CNST: variants seen among roughly 807,000 people sequenced by gnomAD.
CNST encodes consortin.
CNST carries 39 observed loss-of-function variants against 72.4 expected under a neutral mutation model. The ratio of observed to expected loss-of-function variants is 0.54; its 90% CI spans 0.42 to 0.70. CNST has a LOEUF of 0.70. CNST is among the 30% of genes least tolerant of loss of function. The pLI is 0.00. For missense variants in CNST, 871 were observed against 868.5 expected (o/e 1.00, Z -0.04); for synonymous variants, 332 against 320.1 (o/e 1.04, Z -0.40).
intron 1 of CNST, among the ~76,000 whole-genome samples, chr1:246,572,161 G>A (rs1244530360): frequency 6.6e-6 from 1 of 152,184 alleles, no homozygotes; most frequent in East Asian, 1.9e-4. Flanking sequence ...AAGCACAGGA[G>A]GTCAAGGCTG....
chr1:246,577,205 G>C (rs976891497), intron 1 of CNST, among the ~76,000 whole-genome samples: 14 of 152,046 alleles, frequency 9.2e-5, no homozygotes, highest in African/African-American at 3.4e-4. Flanking sequence ...CTTCAGAACT[G>C]ATACTTCTCA....
chr1:246,583,324 G>A (rs781091785), intron 1 of CNST, among the ~76,000 whole-genome samples: 3 of 152,166 alleles, frequency 2.0e-5, no homozygotes, highest in Admixed American at 6.5e-5. Context: ...AAATATTCAC[G>A]CATTACACCT....
rs749613203 is a variant in CNST, at chr1:246,576,361, T to C, written c.-52+9698T>C. Among the ~76,000 whole-genome samples the C allele has an allele frequency of 7.7e-5, 11 of 142,724 alleles. 1 individual carries two copies. The highest frequency in any genetic ancestry group is 1.2e-4 in the Non-Finnish European group (8 of 65,590). The allele number at this position is 142,724 out of a possible 152,430, so 93.6% of individuals were successfully genotyped here. On this transcript the variant is annotated intron_variant, in intron 1 of 10. Coordinates refer to ENST00000366513, the MANE Select transcript of CNST (RefSeq NM_152609.3). The stretch of plus-strand genomic sequence containing the variant: ...CGTATTCCACTAGTGAACAAAACTT[T>C]AATTTTTACAGAGCAGCATCGTGTT...
chr1:246,666,099 C>A lies in CNST; in HGVS notation c.*194C>A. On this transcript the variant is annotated 3_prime_UTR_variant, in exon 11 of 11. Coordinates refer to ENST00000366513, the MANE Select transcript of CNST (RefSeq NM_152609.3). ...TCCACACAGTGAGGCAAATATCAAT[C>A]TAAGCATTGTGGATGGAAGGAATGG... 7.0e-6 allele frequency: 4 copies of A among 568,710 alleles called. No homozygotes were observed. The highest frequency in any genetic ancestry group is 4.5e-5 in the South Asian group (2 of 44,862). The allele number at this position is 568,710 out of a possible 1,614,324, so 35.2% of individuals were successfully genotyped here.
chr1:246,660,192 C>T lies in CNST; in HGVS notation c.1837-7C>T. On this transcript the variant is annotated splice_polypyrimidine_tract_variant and splice_region_variant and intron_variant, in intron 9 of 10. Coordinates refer to ENST00000366513, the MANE Select transcript of CNST (RefSeq NM_152609.3). ...AAAGAATTATAGGTTCTTATAATTT[C>T]TGACAGGTTGTTCCTACTGAAGGAT... 1 of 1,599,608 alleles carries T rather than the reference C, an allele frequency of 6.3e-7. No homozygotes were observed. The highest frequency in any genetic ancestry group is 8.5e-7 in the Non-Finnish European group (1 of 1,174,826).
chr1:246,567,414 G>C (rs1659780223), intron 1 of CNST, among the ~76,000 whole-genome samples: 1 of 151,718 alleles, frequency 6.6e-6, no homozygotes, highest in African/African-American at 2.4e-5. Flanking sequence ...TGTTTTCCGT[G>C]TTTCAGGATC....
chr1:246,605,493 C>T (rs3007402), intron 2 of CNST, among the ~76,000 whole-genome samples: 4 of 149,360 alleles, frequency 2.7e-5, no homozygotes, highest in Non-Finnish European at 4.5e-5. Context: ...TGTTTTAATG[C>T]GCGCCTGGGT....
intron 2 of CNST, among the ~76,000 whole-genome samples, chr1:246,595,332 T>C (rs1432155689): frequency 6.6e-6 from 1 of 152,198 alleles, no homozygotes; most frequent in Non-Finnish European, 1.5e-5. Context: ...CTGTCGTCTC[T>C]CAGTACGTAT....
chr1:246,665,788 C>T lies in CNST; in HGVS notation c.2061C>T (p.Cys687=), dbSNP rs752417840. ...FLSVGGTALY[C]TFGDMESPVC... ...GTGTTGGAGGAACTGCATTATACTG[C>T]ACTTTCGGTGACATGGAGTCACCTG... The change falls in exon 11 of 11, where the codon TGC becomes TGT. Residue 687 remains cysteine (C), a synonymous_variant. Coordinates refer to ENST00000366513, the MANE Select transcript of CNST (RefSeq NM_152609.3). 2.5e-6 allele frequency: 4 copies of T among 1,613,954 alleles called. No homozygotes were observed. Among genetic ancestry groups the T allele is most frequent in the East Asian group, 2.2e-5 (1 of 44,876 alleles).
intron 1 of CNST, among the ~76,000 whole-genome samples, chr1:246,589,711 A>G (rs1278736698): frequency 2.0e-5 from 3 of 152,194 alleles, no homozygotes; most frequent in Non-Finnish European, 4.4e-5. Flanking sequence ...CAATGGTTGA[A>G]CTAGTTTACA....
chr1:246,636,733 G>A (rs1441730794), intron 6 of CNST, among the ~76,000 whole-genome samples: 1 of 152,220 alleles, frequency 6.6e-6, no homozygotes, highest in African/African-American at 2.4e-5. Flanking sequence ...ATGACTGCCA[G>A]ATACTCCTAG....
At chr1:246,632,338 G>T in intron 4 of CNST, 2 of 280,958 alleles carry the variant, frequency 7.1e-6, no homozygotes, top group Non-Finnish European at 7.0e-6. Context: ...GGACATTGCC[G>T]CCCCCGTGAT....
rs933721439 is a variant in CNST, at chr1:246,573,578, G to A, written c.-52+6915G>A. 1.3e-4 allele frequency among the ~76,000 whole-genome samples: 20 copies of A among 152,146 alleles called. 1 individual carries two copies. Among genetic ancestry groups the A allele is most frequent in the Non-Finnish European group, 2.8e-4 (19 of 68,034 alleles). ...CTTCCTGTCTCCACTGCATAGCTGGGGAAAACCTAGGGATTGCCCGGTGAA... is the reference window on the plus strand; with the variant it reads ...CTTCCTGTCTCCACTGCATAGCTGGAGAAAACCTAGGGATTGCCCGGTGAA... On this transcript the variant is annotated intron_variant, in intron 1 of 10. Transcript: ENST00000366513.
At chr1:246,655,088 A>G (rs1051421551) in intron 9 of CNST, among the ~76,000 whole-genome samples, 4 of 152,242 alleles carry the variant, frequency 2.6e-5, no homozygotes, top group Non-Finnish European at 5.9e-5. Flanking sequence ...ATGGGATCAT[A>G]TCTTGACATT....
chr1:246,646,851 T>C lies in CNST; in HGVS notation c.938-288T>C, dbSNP rs1666112816. On this transcript the variant is annotated intron_variant, in intron 8 of 10. Transcript: ENST00000366513. ...ATTTTAATGTAAAAGTTTAATAAAGTTCAGAATATCTTTTAAACCTTTGAA... is the reference window on the plus strand; with the variant it reads ...ATTTTAATGTAAAAGTTTAATAAAGCTCAGAATATCTTTTAAACCTTTGAA... Among the ~76,000 whole-genome samples the C allele has an allele frequency of 3.3e-5, 5 of 152,226 alleles. No individual in the cohort carries two copies. In the South Asian group the frequency reaches 1.0e-3, roughly 32 times the overall value.
At chr1:246,572,545 C>T (rs1660129750) in intron 1 of CNST, among the ~76,000 whole-genome samples, 1 of 151,652 alleles carries the variant, frequency 6.6e-6, no homozygotes, top group Non-Finnish European at 1.5e-5. Flanking sequence ...GAGATGAGAT[C>T]TCACTGTTTT....
chr1:246,621,287 A>G lies in CNST; in HGVS notation c.380-142A>G, dbSNP rs1172042269. Reference sequence around the variant, plus strand: ...AAGACTCAACTTCTTTAGTGGTTTCATATGATAAACACATTTACCTTCCTG... The same window carrying G: ...AAGACTCAACTTCTTTAGTGGTTTCGTATGATAAACACATTTACCTTCCTG... On this transcript the variant is annotated intron_variant, in intron 2 of 10. Coordinates refer to ENST00000366513, the MANE Select transcript of CNST (RefSeq NM_152609.3). 19 of 683,904 alleles carry G rather than the reference A, an allele frequency of 2.8e-5. 1 individual carries two copies. The highest frequency in any genetic ancestry group is 2.1e-4 in the South Asian group (12 of 57,800). The allele number at this position is 683,904 out of a possible 1,614,324, so 42.4% of individuals were successfully genotyped here.
intron 8 of CNST, among the ~76,000 whole-genome samples, chr1:246,645,830 A>G (rs1666031034): frequency 6.6e-6 from 1 of 152,198 alleles, no homozygotes; most frequent in Non-Finnish European, 1.5e-5. Context: ...CTTCTCATTC[A>G]TTATTCACAC....
At chr1:246,664,431 C>CTT (rs571280092) in intron 10 of CNST, among the ~76,000 whole-genome samples, 11,856 of 143,946 alleles carry the variant, frequency 0.082, 547 homozygotes, top group Middle Eastern at 0.15. Flanking sequence ...GTCTTTTTTT[C>CTT]TTTTTTTTTT....
Sources: allele counts gnomAD v4.1 joint callset (sites outside exome capture counted in the v4.1 genomes callset), GRCh38; gene constraint gnomAD v4.1.1; transcripts MANE v1.5; gene names NCBI Gene and HGNC (gene_info 2026-07-23, HGNC 2026-07-21).